Variants in ZNF718 observed in about 807,000 individuals in gnomAD.
The protein encoded by ZNF718 is zinc finger protein 718.
In ZNF718, 3 loss-of-function variants were observed where a neutral mutation model predicts 2.6. That is an observed-to-expected ratio of 1.16 (90% CI 0.53 to 3.01). ZNF718 has a LOEUF of 3.01. ZNF718 is among the 30% of genes most tolerant of loss of function. The pLI is 0.03. For synonymous variants in ZNF718, 135 were observed against 77.9 expected (o/e 1.73, Z -3.86); for missense variants, 468 against 230.0 (o/e 2.03, Z -6.69).
At chr4:194,387 A>G (rs532534473) in intron 3 of ZNF718, among the ~76,000 whole-genome samples, 15 of 152,276 alleles carry the variant, frequency 9.9e-5, no homozygotes, top group African/African-American at 2.9e-4. Flanking sequence ...TTAGTCTCCT[A>G]TCACAAAAAT....
chr4:150,888 T>TTGTGTG (rs111894956), intron 3 of ZNF718, among the ~76,000 whole-genome samples: 6 of 150,134 alleles, frequency 4.0e-5, no homozygotes, highest in Non-Finnish European at 5.9e-5. Flanking sequence ...AATTTGAATT[T>TTGTGTG]TGTGTGTGTG....
At chr4:191,037 C>G (rs967511894) in intron 3 of ZNF718, among the ~76,000 whole-genome samples, 45 of 149,112 alleles carry the variant, frequency 3.0e-4, no homozygotes, top group African/African-American at 1.1e-3. Flanking sequence ...GACTCCATCT[C>G]AAAAAATATA....
At chr4:160,574 G>A (rs1157534562) in intron 3 of ZNF718, among the ~76,000 whole-genome samples, 1 of 152,074 alleles carries the variant, frequency 6.6e-6, no homozygotes, top group East Asian at 1.9e-4. Flanking sequence ...TATTGAGATG[G>A]GGTCTCACAC....
intron 3 of ZNF718, among the ~76,000 whole-genome samples, chr4:132,509 G>A (rs1286072103): frequency 9.8e-6 from 1 of 102,424 alleles, no homozygotes; most frequent in African/African-American, 3.4e-5. Flanking sequence ...TTCAAATATT[G>A]TCTTTGCATC....
At position 162,868 on chromosome 4, in the gene ZNF718, G is replaced by A. The variant is rs1716959948; in HGVS notation, c.*746G>A. The A allele has an allele frequency of 6.6e-6, 1 of 152,096 alleles. No individual in the cohort carries two copies. The highest frequency in any genetic ancestry group is 1.5e-5 in the Non-Finnish European group (1 of 68,002). 9.4% of individuals were successfully genotyped at this position (152,096 alleles called of 1,614,324 possible). ...AGATAGTCTGAAATTAAGACTAAATGTCAGAATATTTACAGTAGAAAGAAA... is the reference window on the plus strand; with the variant it reads ...AGATAGTCTGAAATTAAGACTAAATATCAGAATATTTACAGTAGAAAGAAA... On this transcript the variant is annotated 3_prime_UTR_variant, in exon 4 of 4. Transcript: ENST00000510175.
At chr4:146,761 G>C (rs560388233) in intron 3 of ZNF718, among the ~76,000 whole-genome samples, 5 of 146,846 alleles carry the variant, frequency 3.4e-5, no homozygotes, top group Non-Finnish European at 6.0e-5. Flanking sequence ...AATGACTTAC[G>C]TTTGCTGGGG....
chr4:137,845 T>TA (rs1715640601), intron 3 of ZNF718, among the ~76,000 whole-genome samples: 1 of 152,214 alleles, frequency 6.6e-6, no homozygotes, highest in Admixed American at 6.5e-5. Context: ...TTTAAATTTG[T>TA]TACTCATGTA....
chr4:124,783 T>G lies in ZNF718; in HGVS notation c.3+110T>G, dbSNP rs1413680100. 2.0e-6 allele frequency: 3 copies of G among 1,468,006 alleles called. No individual in the cohort carries two copies. In the African/African-American group the frequency reaches 4.2e-5, roughly 20 times the overall value. 90.9% of individuals were successfully genotyped at this position (1,468,006 alleles called of 1,614,324 possible). On this transcript the variant is annotated intron_variant, in intron 1 of 3. Transcript: ENST00000510175. ...AATGGAGTTCCCGCTCAGCCCTCTG[T>G]CCTCAGTCCCCTCCGGTGAGGGACC...
intron 3 of ZNF718, among the ~76,000 whole-genome samples, chr4:173,579 A>AC (rs35682929): frequency 2.0e-5 from 3 of 151,936 alleles, no homozygotes; most frequent in South Asian, 4.1e-4. Context: ...TTCCACACTT[A>AC]ACAGCCATCT....
chr4:157,103 C>CTTTTTTTTTTTTTT (rs199814257), intron 3 of ZNF718, among the ~76,000 whole-genome samples: 1 of 103,150 alleles, frequency 9.7e-6, no homozygotes, highest in Non-Finnish European at 1.9e-5. Flanking sequence ...TTCTTTCTTT[C>CTTTTTTTTTTTTTT]TTTTTTTTTT....
In ZNF718 at chr4:124,576, G is replaced by T; in HGVS notation, c.-95G>T. 8 of 1,557,762 alleles carry T rather than the reference G, an allele frequency of 5.1e-6. No homozygotes were observed. Among genetic ancestry groups the T allele is most frequent in the Non-Finnish European group, 6.1e-6 (7 of 1,142,566 alleles). On this transcript the variant is annotated 5_prime_UTR_variant, in exon 1 of 4. Coordinates refer to ENST00000510175, the MANE Select transcript of ZNF718 (RefSeq NM_001039127.6). ...GCTCCCGCTCCTTAGGGAAGCCTCG[G>T]TGATTCTGCCACAGCCTCAGCCTCT... is the stretch of plus-strand genomic sequence containing the variant.
intron 3 of ZNF718, among the ~76,000 whole-genome samples, chr4:176,260 C>CTAGT (rs2108811922): frequency 6.6e-6 from 1 of 152,276 alleles, no homozygotes; most frequent in South Asian, 2.1e-4. Flanking sequence ...GAATGGGCAA[C>CTAGT]TACTCAAGCC....
intron 3 of ZNF718, among the ~76,000 whole-genome samples, chr4:194,872 T>G (rs1371507435): frequency 6.6e-6 from 1 of 152,204 alleles, no homozygotes; most frequent in Admixed American, 6.5e-5. Flanking sequence ...CGATGAGCAT[T>G]AGTCCTAGGG....
chr4:177,533 G>C (rs1404210872), intron 3 of ZNF718, among the ~76,000 whole-genome samples: 5 of 152,094 alleles, frequency 3.3e-5, no homozygotes, highest in African/African-American at 1.2e-4. Flanking sequence ...CCTGGCCTTT[G>C]TCTTCCTTTT....
At chr4:141,932 A>G (rs913265876) in intron 3 of ZNF718, 24 of 459,938 alleles carry the variant, frequency 5.2e-5, no homozygotes, top group Non-Finnish European at 1.1e-4. Flanking sequence ...TCTGTTGTAT[A>G]AAAGCTTTAC....
chr4:161,037 A>G lies in ZNF718; in HGVS notation c.352A>G (p.Ile118Val), dbSNP rs1553814832. 1.3e-6 allele frequency: 1 copy of G among 780,640 alleles called. No individual in the cohort carries two copies. The highest frequency in any genetic ancestry group is 1.7e-5 in the African/African-American group (1 of 59,158). 48.4% of individuals were successfully genotyped at this position (780,640 alleles called of 1,614,324 possible). Residue 118 changes from isoleucine to valine, a missense_variant, in exon 4 of 4, where the codon ATA (isoleucine) becomes GTA (valine). By Grantham distance (29) the Ile-to-Val change is conservative (BLOSUM62 3). Transcript: ENST00000510175. ...HENLRKTCKS[I>V]NECKVQKGGY... Reference sequence around the variant, plus strand: ...GAATTTAAGAAAAACTTGTAAAAGTATAAATGAGTGTAAGGTGCAGAAAGG... The same window carrying G: ...GAATTTAAGAAAAACTTGTAAAAGTGTAAATGAGTGTAAGGTGCAGAAAGG...
At chr4:185,398 C>T (rs531024455) in intron 3 of ZNF718, among the ~76,000 whole-genome samples, 1 of 152,236 alleles carries the variant, frequency 6.6e-6, no homozygotes, top group South Asian at 2.1e-4. Flanking sequence ...TTTGCACTTG[C>T]TGAGGCATGT....
intron 3 of ZNF718, among the ~76,000 whole-genome samples, chr4:193,879 C>G (rs912725575): frequency 6.6e-6 from 1 of 152,144 alleles, no homozygotes; most frequent in Non-Finnish European, 1.5e-5. Flanking sequence ...TACAGTGATT[C>G]CCTTGACATA....
intron 3 of ZNF718, among the ~76,000 whole-genome samples, chr4:193,751 C>G (rs1480062601): frequency 6.6e-6 from 1 of 151,822 alleles, no homozygotes; most frequent in African/African-American, 2.4e-5. Flanking sequence ...TACCCGGGGC[C>G]CAGTGAGGGT....
Sources: allele counts gnomAD v4.1 joint callset (sites outside exome capture counted in the v4.1 genomes callset), GRCh38; gene constraint gnomAD v4.1.1; transcripts MANE v1.5; gene names NCBI Gene and HGNC (gene_info 2026-07-23, HGNC 2026-07-21).